Variants in RAD1 observed in about 807,000 individuals in gnomAD.
RAD1 encodes RAD1 checkpoint DNA exonuclease.
A neutral mutation model predicts 30.0 loss-of-function variants in RAD1; 21 were observed. That is an observed-to-expected ratio of 0.70 (90% confidence interval 0.50 to 1.01). RAD1 has a LOEUF of 1.01. RAD1 is among the 50% of genes least tolerant of loss of function. The pLI is 0.00. For synonymous variants in RAD1, 109 were observed against 113.6 expected, an observed-to-expected ratio of 0.96 and a Z score of 0.26; for missense variants, 329 against 329.0, an observed-to-expected ratio of 1.00 and a Z score of 0.00.
intron 3 of RAD1, among the ~76,000 whole-genome samples, chr5:34,912,394 A>G (rs923278291): frequency 6.6e-6 from 1 of 152,248 alleles, no homozygotes; most frequent in African/African-American, 2.4e-5. Flanking sequence ...ATGACAGGAT[A>G]TTCAAACTCC....
chr5:34,907,175 T>C lies in RAD1; in HGVS notation c.*1590A>G, dbSNP rs1283406075. On this transcript the variant is annotated 3_prime_UTR_variant, in exon 6 of 6. Coordinates refer to ENST00000382038, the MANE Select transcript of RAD1 (RefSeq NM_002853.4). Reference sequence around the variant, plus strand: ...TTTGCTGTAATACTCTCCAAACCAATTTTCTCTAATGCTATGTGACCTATA... The same window carrying C: ...TTTGCTGTAATACTCTCCAAACCAACTTTCTCTAATGCTATGTGACCTATA... 1 of 152,246 alleles carries C rather than the reference T, an allele frequency of 6.6e-6. No individual in the cohort carries two copies. Among genetic ancestry groups the C allele is most frequent in the Non-Finnish European group, 1.5e-5 (1 of 68,050 alleles). The allele number at this position is 152,246 out of a possible 1,614,324, so 9.4% of individuals were successfully genotyped here. A position where few individuals can be genotyped will look rare whatever the true frequency, so the allele number is the denominator to read the frequency against.
intron 4 of RAD1, among the ~76,000 whole-genome samples, chr5:34,911,228 T>G (rs1389422558): frequency 6.6e-6 from 1 of 152,154 alleles, no homozygotes; most frequent in Non-Finnish European, 1.5e-5. Context: ...AAACACCCTT[T>G]CCAAACACTT....
At chr5:34,915,384 A>G (rs1167768002) in intron 1 of RAD1, 32 bp downstream of exon 1, 2 of 247,780 alleles carry the variant, frequency 8.1e-6, no homozygotes, top group Non-Finnish European at 1.6e-5. Context: ...ATCGCTTACT[A>G]GTCTCGGGGT....
At position 34,914,744 on chromosome 5, in the gene RAD1, T is replaced by G. The variant is rs530557961; in HGVS notation, c.149A>C (p.Lys50Thr). ...ACACTTTGCATTTTCCACTGTTACT[T>G]TGATACCATTTTTAGTTGCGAAACA... ...ATCFATKNGI[K>T]VTVENAKCVQ... Residue 50 changes from lysine to threonine, a missense_variant, in exon 2 of 6, where the codon AAA (lysine) becomes ACA (threonine). Coordinates refer to ENST00000382038, the MANE Select transcript of RAD1 (RefSeq NM_002853.4). 1.2e-6 allele frequency: 2 copies of G among 1,614,132 alleles called. No homozygotes were observed. Among genetic ancestry groups the G allele is most frequent in the African/African-American group, 2.7e-5 (2 of 74,942 alleles).
At chr5:34,913,628 A>G in intron 2 of RAD1, 50 bp from the exon 3 acceptor site, 1 of 1,116,770 alleles carries the variant, frequency 9.0e-7, no homozygotes, top group Non-Finnish European at 1.3e-6. Context: ...ATAAAAACTA[A>G]TAATATAAGG....
chr5:34,913,283 A>T (rs536660985), intron 3 of RAD1, among the ~76,000 whole-genome samples, 187 bp downstream of exon 3: 1 of 152,382 alleles, frequency 6.6e-6, no homozygotes, highest in East Asian at 1.9e-4. Context: ...ATACTTTTAC[A>T]AATATGAAAA....
intron 4 of RAD1, among the ~76,000 whole-genome samples, chr5:34,911,108 T>C (rs62356985): frequency 6.6e-6 from 1 of 152,220 alleles, no homozygotes; most frequent in Non-Finnish European, 1.5e-5. Context: ...CTTAATAAGA[T>C]GAATAAGCAC....
At chr5:34,911,109 G>T (rs1323059154) in intron 4 of RAD1, among the ~76,000 whole-genome samples, 2 of 152,184 alleles carry the variant, frequency 1.3e-5, no homozygotes, top group Non-Finnish European at 2.9e-5. Context: ...TTAATAAGAT[G>T]AATAAGCACA....
Position 34,908,591 on chromosome 5 carries a change from CA to C in RAD1, c.*173del, listed in dbSNP as rs1202856588. ...AAAACATTTATTTACATGCCCTCTA[CA>C]AAATGGATTTACAAAACATAGTAAC... On this transcript the variant is annotated 3_prime_UTR_variant, in exon 6 of 6. Transcript: ENST00000382038. The C allele has an allele frequency of 3.6e-6, 2 of 550,996 alleles. No homozygotes were observed. The highest frequency in any genetic ancestry group is 6.8e-5 in the Admixed American group (2 of 29,308). The allele number at this position is 550,996 out of a possible 1,614,324, so 34.1% of individuals were successfully genotyped here.
rs1763741945 is a variant in RAD1, at chr5:34,908,902, A to T, written c.712T>A (p.Ser238Thr). Residue 238 changes from serine to threonine, a missense_variant, in exon 6 of 6, where the codon TCT becomes ACT. Coordinates refer to ENST00000382038, the MANE Select transcript of RAD1 (RefSeq NM_002853.4). Reference sequence around the variant, plus strand: ...TCTGTCCGAATAGATACCTTACAAGATAGGACTAATGCCTTTGTAGAGGGT... The same window carrying T: ...TCTGTCCGAATAGATACCTTACAAGTTAGGACTAATGCCTTTGTAGAGGGT... ...LKPSTKALVLSCKVSIRTDNR... is the reference protein window; with the variant it reads ...LKPSTKALVLTCKVSIRTDNR... 1.2e-6 allele frequency: 2 copies of T among 1,611,992 alleles called. No homozygotes were observed. Among genetic ancestry groups the T allele is most frequent in the Non-Finnish European group, 1.7e-6 (2 of 1,179,360 alleles).
In RAD1 at chr5:34,912,554, C is replaced by T. The variant is rs1053979520; in HGVS notation, c.308-742G>A. Among the ~76,000 whole-genome samples, 18 of 152,180 alleles carry T rather than the reference C, an allele frequency of 1.2e-4. No homozygotes were observed. In the South Asian group the frequency reaches 3.1e-3, roughly 26 times the overall value. On this transcript the variant is annotated intron_variant, in intron 3 of 5. Coordinates refer to ENST00000382038, the MANE Select transcript of RAD1 (RefSeq NM_002853.4). ...ACGTAAAATACATTTTTCTGGAGAA[C>T]TATATTGAATTTTTCCTAGCTAATC... is the stretch of plus-strand genomic sequence containing the variant.
At chr5:34,915,324 C>T (rs1327475244) in intron 1 of RAD1, 92 bp downstream of exon 1, 7 of 250,968 alleles carry the variant, frequency 2.8e-5, no homozygotes, top group Non-Finnish European at 3.9e-5. Flanking sequence ...TCCAGATAAT[C>T]CTCCAAGAGT....
intron 1 of RAD1, 174 bp downstream of exon 1, chr5:34,915,242 T>A (rs544358410): frequency 3.2e-6 from 1 of 314,334 alleles, no homozygotes; most frequent in African/African-American, 2.2e-5. Context: ...CCGCGGGGAG[T>A]CGGTTTTGTG....
rs760888817 is a variant in RAD1 at position 34,906,993 on chromosome 5, A to G, written c.*1772T>C. On this transcript the variant is annotated 3_prime_UTR_variant, in exon 6 of 6. Transcript: ENST00000382038. ...CTTCTTGAATACAAACATTTTAGAA[A>G]ATTCCAACTTCTTTTGTAGTCACTG... 2 of 152,138 alleles carry G rather than the reference A, an allele frequency of 1.3e-5. No homozygotes were observed. Among genetic ancestry groups the G allele is most frequent in the Non-Finnish European group, 2.9e-5 (2 of 68,020 alleles). 9.4% of individuals were successfully genotyped at this position (152,138 alleles called of 1,614,324 possible).
Position 34,912,663 on chromosome 5 carries a change from T to G in RAD1, c.307+807A>C, listed in dbSNP as rs2069472. Among the ~76,000 whole-genome samples the G allele has an allele frequency of 9.4e-4, 143 of 152,270 alleles. 2 individuals carry two copies. In the East Asian group the frequency reaches 0.022, roughly 23 times the overall value. ...CCACAGCAATTCAATTTCACCATTC[T>G]TAAAAATTCCCTTAACAAATAAAAA... On this transcript the variant is annotated intron_variant, in intron 3 of 5. Transcript: ENST00000382038.
At chr5:34,915,147 G>C (rs1456140121) in intron 1 of RAD1, among the ~76,000 whole-genome samples, 186 bp from the exon 2 acceptor site, 1 of 152,168 alleles carries the variant, frequency 6.6e-6, no homozygotes, top group South Asian at 2.1e-4. Flanking sequence ...CCTCGTCTCC[G>C]TAAGAGGACA....
At chr5:34,914,363 C>T in intron 2 of RAD1, 1 of 314,964 alleles carries the variant, frequency 3.2e-6, no homozygotes, top group South Asian at 3.2e-5. Context: ...ACAGAACCTA[C>T]CTTACAGGAC....
chr5:34,914,910 G>A lies in RAD1; in HGVS notation c.-18C>T. ...AGGGGCATCGTCCACTGCGCATTCG[G>A]CCCCGAGGGATGCTCCTGGGGCCAA... On this transcript the variant is annotated 5_prime_UTR_variant, in exon 2 of 6. Coordinates refer to ENST00000382038, the MANE Select transcript of RAD1 (RefSeq NM_002853.4). 6.2e-7 allele frequency: 1 copy of A among 1,613,774 alleles called. No homozygotes were observed. Among genetic ancestry groups the A allele is most frequent in the Non-Finnish European group, 8.5e-7 (1 of 1,179,952 alleles).
rs1294493521 is a variant in RAD1 at position 34,905,494 on chromosome 5, A to T, written c.*3271T>A. On this transcript the variant is annotated 3_prime_UTR_variant, in exon 6 of 6. Coordinates refer to ENST00000382038, the MANE Select transcript of RAD1 (RefSeq NM_002853.4). ...CTGTGTTACATGCCTTATTTTTATTAAAGTGGAATTTAACAAATACTTTTA... is the reference window on the plus strand; with the variant it reads ...CTGTGTTACATGCCTTATTTTTATTTAAGTGGAATTTAACAAATACTTTTA... The T allele has an allele frequency of 6.6e-6, 1 of 152,114 alleles. No homozygotes were observed. Among genetic ancestry groups the T allele is most frequent in the African/African-American group, 2.4e-5 (1 of 41,412 alleles). 9.4% of individuals were successfully genotyped at this position (152,114 alleles called of 1,614,324 possible). A position where few individuals can be genotyped will look rare whatever the true frequency, so the allele number is the denominator to read the frequency against.
Sources: allele counts gnomAD v4.1 joint callset (sites outside exome capture counted in the v4.1 genomes callset), GRCh38; gene constraint gnomAD v4.1.1; transcripts MANE v1.5; gene names NCBI Gene and HGNC (gene_info 2026-07-23, HGNC 2026-07-21).